The following IL1RAPL1 variants were observed in gnomAD, a reference collection of about 807,000 sequenced individuals.
IL1RAPL1 encodes the protein interleukin-1 receptor accessory protein-like 1.
A neutral mutation model predicts 48.4 loss-of-function variants in IL1RAPL1; 3 were observed. The ratio of observed to expected loss-of-function variants is 0.06; its 90% CI spans 0.03 to 0.16. The LOEUF is 0.16. IL1RAPL1 is among the 10% of genes least tolerant of loss of function. The pLI is 1.00. For missense variants in IL1RAPL1, 349 were observed against 530.6 expected (o/e 0.66, Z 3.36); for synonymous variants, 185 against 187.7 (o/e 0.99, Z 0.12).
chrX:29,250,697 G>T (rs530178897), intron 2 of IL1RAPL1, among the ~76,000 whole-genome samples: 1 of 111,589 alleles, frequency 9.0e-6, no homozygotes, highest in African/African-American at 3.3e-5. Flanking sequence ...GATAAAACCA[G>T]GAGTTTACTT....
At chrX:29,429,361 A>G (rs1458318859) in intron 5 of IL1RAPL1, among the ~76,000 whole-genome samples, 1 of 112,269 alleles carries the variant, frequency 8.9e-6, no homozygotes, top group Non-Finnish European at 1.9e-5. Context: ...ACAATACACA[A>G]TTGGCAACAC....
At chrX:29,579,193 G>C in intron 5 of IL1RAPL1, among the ~76,000 whole-genome samples, 1 of 112,193 alleles carries the variant, frequency 8.9e-6, no homozygotes, top group Non-Finnish European at 1.9e-5. Context: ...AAAATCATAA[G>C]GCTAGCGCAT....
At chrX:28,667,214 C>G (rs1415640616) in intron 1 of IL1RAPL1, among the ~76,000 whole-genome samples, 1 of 111,507 alleles carries the variant, frequency 9.0e-6, no homozygotes, top group Non-Finnish European at 1.9e-5. Flanking sequence ...TGCCTACTAC[C>G]CAAGATAGTT....
intron 3 of IL1RAPL1, among the ~76,000 whole-genome samples, chrX:29,334,541 G>A (rs2147638855): frequency 9.1e-6 from 1 of 109,848 alleles, no homozygotes; most frequent in African/African-American, 3.3e-5. Flanking sequence ...CGGACGGAGG[G>A]GCTCCTCACT....
intron 2 of IL1RAPL1, among the ~76,000 whole-genome samples, chrX:29,081,021 T>TCTCTCTCTC (rs764776260): frequency 2.8e-5 from 1 of 35,655 alleles, no homozygotes; most frequent in Non-Finnish European, 5.4e-5. Context: ...TCTCTCTCTC[T>TCTCTCTCTC]TTCTTTTCTT....
chrX:28,823,608 G>A (rs1198977423), intron 2 of IL1RAPL1, among the ~76,000 whole-genome samples: 1 of 111,521 alleles, frequency 9.0e-6, no homozygotes, highest in African/African-American at 3.3e-5. Flanking sequence ...GTCCAAAATG[G>A]GGTATATGGG....
At chrX:29,843,154 G>C (rs896666385) in intron 6 of IL1RAPL1, among the ~76,000 whole-genome samples, 3 of 111,769 alleles carry the variant, frequency 2.7e-5, no homozygotes, top group Non-Finnish European at 3.8e-5. Flanking sequence ...ACTGAATTAT[G>C]AGTTCCGTAC....
chrX:29,802,882 T>C (rs866874814), intron 6 of IL1RAPL1, among the ~76,000 whole-genome samples: 15 of 83,206 alleles, frequency 1.8e-4, no homozygotes, highest in African/African-American at 4.9e-4. Context: ...TACATATATG[T>C]ATATATGTAT....
intron 5 of IL1RAPL1, among the ~76,000 whole-genome samples, chrX:29,461,987 A>G (rs1021561343): frequency 8.9e-6 from 1 of 111,991 alleles, no homozygotes; most frequent in Non-Finnish European, 1.9e-5. Flanking sequence ...CTGAACATGT[A>G]AAATGGGTGA....
intron 3 of IL1RAPL1, among the ~76,000 whole-genome samples, chrX:29,384,491 CAAAG>C (rs1379540365): frequency 1.8e-5 from 2 of 111,493 alleles, no homozygotes; most frequent in African/African-American, 6.5e-5. Context: ...AGAAAGAAGA[CAAAG>C]AAAAGATCAG....
intron 2 of IL1RAPL1, among the ~76,000 whole-genome samples, chrX:28,898,507 G>A (rs1922991095): frequency 9.0e-6 from 1 of 110,818 alleles, no homozygotes; most frequent in South Asian, 3.8e-4. Flanking sequence ...TTAGAGCAAG[G>A]TTTTGCTATG....
intron 6 of IL1RAPL1, among the ~76,000 whole-genome samples, chrX:29,680,733 G>T (rs1454614065): frequency 9.0e-6 from 1 of 111,687 alleles, no homozygotes. Flanking sequence ...CTTAGTGAGG[G>T]TAGAATGACC....
intron 1 of IL1RAPL1, among the ~76,000 whole-genome samples, chrX:28,654,705 T>C (rs942236915): frequency 6.2e-5 from 7 of 112,017 alleles, no homozygotes; most frequent in African/African-American, 2.3e-4. Flanking sequence ...CAGCAACTAC[T>C]ATGTGTCAGA....
chrX:28,596,935 G>T (rs1156713856), intron 1 of IL1RAPL1, among the ~76,000 whole-genome samples: 1 of 111,030 alleles, frequency 9.0e-6, no homozygotes, highest in African/African-American at 3.3e-5. Flanking sequence ...AAACGTTCAG[G>T]ACACATGCAC....
intron 2 of IL1RAPL1, among the ~76,000 whole-genome samples, chrX:28,964,093 AATATTTTAATACTTCT>A (rs1415398500): frequency 9.0e-6 from 1 of 111,516 alleles, no homozygotes; most frequent in Non-Finnish European, 1.9e-5. Context: ...AATCCTTGAA[AATATTTTAATACTTCT>A]TTTAGTTTTA....
chrX:29,467,318 C>A (rs1214870398), intron 5 of IL1RAPL1, among the ~76,000 whole-genome samples: 1 of 112,519 alleles, frequency 8.9e-6, no homozygotes, highest in Non-Finnish European at 1.9e-5. Flanking sequence ...AAAGAAGTGT[C>A]CTGTGCTTAG....
chrX:28,946,686 G>A (rs1290867388), intron 2 of IL1RAPL1, among the ~76,000 whole-genome samples: 1 of 110,862 alleles, frequency 9.0e-6, no homozygotes, highest in Non-Finnish European at 1.9e-5. Flanking sequence ...AAGGCATTGT[G>A]CTTGATTAGG....
At chrX:29,242,762 C>A (rs1931444555) in intron 2 of IL1RAPL1, among the ~76,000 whole-genome samples, 1 of 111,724 alleles carries the variant, frequency 9.0e-6, no homozygotes, top group Non-Finnish European at 1.9e-5. Flanking sequence ...TATATTATCT[C>A]ATAATTTTCA....
At chrX:28,808,260 A>G (rs1452616963) in intron 2 of IL1RAPL1, among the ~76,000 whole-genome samples, 2 of 111,373 alleles carry the variant, frequency 1.8e-5, no homozygotes, top group East Asian at 2.8e-4. Context: ...TTGAGTTAAG[A>G]AAAAACATAT....
Sources: gnomAD v4.1 joint callset for allele counts (sites outside exome capture counted in the v4.1 genomes callset) on GRCh38, gnomAD v4.1.1 for gene constraint, MANE v1.5 for transcripts, NCBI Gene and HGNC (gene_info 2026-07-23, HGNC 2026-07-21) for gene names.